The following ANO2 variants were observed in gnomAD, a reference collection of about 807,000 sequenced individuals.
The protein encoded by ANO2 is anoctamin-2.
ANO2 carries 101 observed loss-of-function variants against 124.2 expected under a neutral mutation model. The ratio of observed to expected loss-of-function variants is 0.81; its 90% confidence interval spans 0.69 to 0.96. The LOEUF (loss-of-function observed/expected upper bound fraction) is 0.96. Ranked by LOEUF, ANO2 falls within the 40% of genes least tolerant of loss-of-function variation. ANO2 has a pLI of 0.00. For synonymous variants in ANO2, 486 were observed against 482.5 expected, an observed-to-expected ratio of 1.01 and a Z score of -0.09; for missense variants, 1,293 against 1,274.5, an observed-to-expected ratio of 1.01 and a Z score of -0.22.
intron 14 of ANO2, among the ~76,000 whole-genome samples, chr12:5,698,799 G>T (rs1383018683): frequency 6.6e-6 from 1 of 152,224 alleles, no homozygotes; most frequent in East Asian, 1.9e-4. Context: ...TGTGACACAT[G>T]CACAAGCTTC....
At chr12:5,606,844 T>C (rs938860310) in intron 19 of ANO2, among the ~76,000 whole-genome samples, 1 of 152,152 alleles carries the variant, frequency 6.6e-6, no homozygotes, top group East Asian at 1.9e-4. Flanking sequence ...GAGAAAGAGA[T>C]AAATTATAGC....
intron 3 of ANO2, among the ~76,000 whole-genome samples, chr12:5,861,688 T>A (rs1251616541): frequency 6.6e-6 from 1 of 152,030 alleles, no homozygotes; most frequent in Non-Finnish European, 1.5e-5. Context: ...GGAATGGCGC[T>A]GTAAGGAAGG....
At chr12:5,704,697 ATG>A (rs3067798) in intron 14 of ANO2, among the ~76,000 whole-genome samples, 192 of 148,214 alleles carry the variant, frequency 1.3e-3, no homozygotes, top group Admixed American at 3.1e-3. Flanking sequence ...TGGTGTGTGT[ATG>A]TGTGTGTGTG....
At chr12:5,726,600 T>C (rs1950451960) in intron 14 of ANO2, among the ~76,000 whole-genome samples, 1 of 152,230 alleles carries the variant, frequency 6.6e-6, no homozygotes, top group Non-Finnish European at 1.5e-5. Flanking sequence ...AGTCTTCTCA[T>C]CTGTGAGTTG....
intron 2 of ANO2, 130 bp from the exon 3 acceptor site, chr12:5,921,496 A>C (rs1174741789): frequency 3.5e-6 from 3 of 859,582 alleles, no homozygotes; most frequent in Non-Finnish European, 5.3e-6. Flanking sequence ...AAAGGCCCCC[A>C]GTGCCCCCAG....
intron 15 of ANO2, among the ~76,000 whole-genome samples, chr12:5,639,325 C>T (rs576651529): frequency 3.5e-4 from 54 of 152,248 alleles, no homozygotes; most frequent in South Asian, 1.2e-3. Context: ...AGTTTATTTA[C>T]CCATTCAGTC....
Position 5,751,043 on chromosome 12 carries a change from A to G in ANO2, c.1056-73T>C, listed in dbSNP as rs1216148729. The G allele has an allele frequency of 2.4e-5, 34 of 1,434,936 alleles. No homozygotes were observed. The Admixed American group carries it at 6.5e-4, about 27-fold the overall frequency. 88.9% of individuals were successfully genotyped at this position (1,434,936 alleles called of 1,614,324 possible). Reference sequence around the variant, plus strand: ...TACTTTCCTTATTTCTGTTTGTTCTATGCCTAAGGGTGGGTCAACATAGAT... The same window carrying G: ...TACTTTCCTTATTTCTGTTTGTTCTGTGCCTAAGGGTGGGTCAACATAGAT... On this transcript the variant is annotated intron_variant, in intron 10 of 24. Transcript: ENST00000682330.
chr12:5,654,497 T>C (rs1009754683), intron 14 of ANO2, among the ~76,000 whole-genome samples: 2 of 152,206 alleles, frequency 1.3e-5, no homozygotes, highest in African/African-American at 4.8e-5. Context: ...TGAGGTGCTG[T>C]CTGCCTATCA....
intron 14 of ANO2, among the ~76,000 whole-genome samples, chr12:5,671,563 T>C (rs1348861426): frequency 1.3e-5 from 2 of 151,776 alleles, no homozygotes; most frequent in African/African-American, 4.8e-5. Flanking sequence ...AGGGGGCAGG[T>C]TGAGCTGAGC....
At chr12:5,732,899 A>G (rs1847309052) in intron 13 of ANO2, 2 of 1,613,936 alleles carry the variant, frequency 1.2e-6, no homozygotes, top group African/African-American at 1.3e-5. Flanking sequence ...GCCGGTGTTG[A>G]GAAAAAGAGA....
chr12:5,811,633 ACCCTCCT>A (rs1360644447), intron 7 of ANO2, among the ~76,000 whole-genome samples: 2 of 152,206 alleles, frequency 1.3e-5, no homozygotes, highest in African/African-American at 4.8e-5. Flanking sequence ...AAAGGTGTTT[ACCCTCCT>A]CTGATATGGT....
At chr12:5,878,094 C>T (rs1490957678) in intron 3 of ANO2, among the ~76,000 whole-genome samples, 1 of 152,214 alleles carries the variant, frequency 6.6e-6, no homozygotes, top group Non-Finnish European at 1.5e-5. Context: ...TTGCAGTAAG[C>T]CAAGGCACAC....
At chr12:5,723,261 C>T (rs1263385018) in intron 14 of ANO2, among the ~76,000 whole-genome samples, 3 of 152,138 alleles carry the variant, frequency 2.0e-5, no homozygotes, top group Non-Finnish European at 4.4e-5. Context: ...ATGTGGTGGC[C>T]GTGAAGGCTG....
chr12:5,767,701 C>T (rs1951938671), intron 10 of ANO2, among the ~76,000 whole-genome samples: 1 of 152,194 alleles, frequency 6.6e-6, no homozygotes, highest in Admixed American at 6.5e-5. Flanking sequence ...TCTGTGAATT[C>T]AAGACTCGAG....
intron 23 of ANO2, 90 bp from the exon 24 acceptor site, chr12:5,565,753 G>T: frequency 9.4e-7 from 1 of 1,059,872 alleles, no homozygotes; most frequent in South Asian, 1.6e-5. Context: ...GCTGGCTGGA[G>T]CATCAGGCAC....
rs529821752 is a variant in ANO2, at chr12:5,583,439, G to T, written c.2234-4921C>A. Among the ~76,000 whole-genome samples, 10 of 152,020 alleles carry T rather than the reference G, an allele frequency of 6.6e-5. No individual in the cohort carries two copies. In the East Asian group the frequency reaches 1.2e-3, roughly 18 times the overall value. ...GAGGCCGAGGCGGGCGGATCACAAGGTCAGGAGATCGAGACCATCTTGGCT... is the reference window on the plus strand; with the variant it reads ...GAGGCCGAGGCGGGCGGATCACAAGTTCAGGAGATCGAGACCATCTTGGCT... On this transcript the variant is annotated intron_variant, in intron 20 of 24. Transcript: ENST00000682330.
intron 10 of ANO2, among the ~76,000 whole-genome samples, chr12:5,752,088 G>T (rs1951457531): frequency 6.6e-6 from 1 of 152,132 alleles, no homozygotes; most frequent in East Asian, 1.9e-4. Flanking sequence ...AATATCCATT[G>T]TGTGTCCACA....
intron 3 of ANO2, among the ~76,000 whole-genome samples, chr12:5,896,016 G>A (rs1336781291): frequency 6.6e-6 from 1 of 152,132 alleles, no homozygotes; most frequent in Non-Finnish European, 1.5e-5. Context: ...ATTATTCTAA[G>A]TGAAGTAACT....
chr12:5,680,328 C>T (rs1158725658), intron 14 of ANO2, among the ~76,000 whole-genome samples: 1 of 152,114 alleles, frequency 6.6e-6, no homozygotes, highest in Non-Finnish European at 1.5e-5. Flanking sequence ...AATCCACCTG[C>T]ACCCACTTTT....
Sources: gnomAD v4.1 joint callset for allele counts (sites outside exome capture counted in the v4.1 genomes callset) on GRCh38, gnomAD v4.1.1 for gene constraint, MANE v1.5 for transcripts, NCBI Gene and HGNC (gene_info 2026-07-23, HGNC 2026-07-21) for gene names.